Variants in TTC39C observed in about 807,000 individuals in gnomAD.
TTC39C encodes the protein tetratricopeptide repeat domain 39C.
Under a neutral mutation model 76.3 loss-of-function variants are expected in TTC39C, and 33 were observed. The observed-to-expected ratio is 0.43, with a 90% confidence interval of 0.33 to 0.58. TTC39C has a LOEUF of 0.58. Ranked by LOEUF, TTC39C falls within the 20% of genes least tolerant of loss-of-function variation. The probability of loss-of-function intolerance (pLI) is 0.04; values close to 1 mark genes in which losing one functional copy is unlikely to be tolerated. For missense variants in TTC39C, 595 were observed against 701.4 expected, an observed-to-expected ratio of 0.85 and a Z score of 1.71; for synonymous variants, 254 against 260.6, an observed-to-expected ratio of 0.97 and a Z score of 0.24.
At chr18:24,055,555 G>C (rs145554361) in intron 1 of TTC39C, among the ~76,000 whole-genome samples, 1 of 152,126 alleles carries the variant, frequency 6.6e-6, no homozygotes, top group Non-Finnish European at 1.5e-5. Flanking sequence ...GTCTATTCAA[G>C]TTCTTTCCCC....
At chr18:24,023,995 TATATATATATA>T (rs2083561669) in intron 1 of TTC39C, among the ~76,000 whole-genome samples, 3 of 6,484 alleles carry the variant, frequency 4.6e-4, no homozygotes, top group Non-Finnish European at 7.2e-4. Context: ...TATATATATA[TATATATATATA>T]TATATATATA....
At position 24,132,522 on chromosome 18, in the gene TTC39C, A is replaced by G; in HGVS notation, c.1700A>G (p.His567Arg). 6.2e-7 allele frequency: 1 copy of G among 1,614,142 alleles called. No individual in the cohort carries two copies. Among genetic ancestry groups the G allele is most frequent in the Non-Finnish European group, 8.5e-7 (1 of 1,180,010 alleles). Residue 567 changes from histidine to arginine, a missense_variant, in exon 14 of 14, where the codon CAT (histidine) becomes CGT (arginine). Transcript: ENST00000317571. The part of the protein sequence containing the change: ...FSGYDFENRL[H>R]VRIHAALASL... ...GGCTACGACTTTGAAAACAGATTGC[A>G]TGTCCGCATCCATGCTGCTCTGGCC...
intron 3 of TTC39C, among the ~76,000 whole-genome samples, chr18:24,068,697 T>A (rs1169031297): frequency 6.6e-6 from 1 of 152,254 alleles, no homozygotes; most frequent in African/African-American, 2.4e-5. Flanking sequence ...AATCAGTTTC[T>A]GATCCTTACA....
Position 24,123,827 on chromosome 18 carries a change from C to T in TTC39C, c.1187-7C>T, listed in dbSNP as rs1412138443. ...TACTTAAGAAATATAATTATGGTTT[C>T]TTACAGTTTGTCAGGGAGCCACTGG... On this transcript the variant is annotated splice_region_variant and splice_polypyrimidine_tract_variant and intron_variant, in intron 8 of 13. Coordinates refer to ENST00000317571, the MANE Select transcript of TTC39C (RefSeq NM_001135993.2). 5 of 1,596,736 alleles carry T rather than the reference C, an allele frequency of 3.1e-6. No individual in the cohort carries two copies. In the African/African-American group the frequency reaches 6.8e-5, roughly 22 times the overall value.
intron 1 of TTC39C, among the ~76,000 whole-genome samples, chr18:24,047,466 A>G (rs558673864): frequency 6.6e-6 from 1 of 152,214 alleles, no homozygotes; most frequent in Non-Finnish European, 1.5e-5. Flanking sequence ...CAACCCAGTT[A>G]TTCAACTTTA....
intron 1 of TTC39C, among the ~76,000 whole-genome samples, chr18:24,040,251 T>C (rs1475475583): frequency 6.6e-6 from 1 of 152,248 alleles, no homozygotes; most frequent in Non-Finnish European, 1.5e-5. Flanking sequence ...TTTGTGAGTT[T>C]GGTGATGGAT....
intron 1 of TTC39C, among the ~76,000 whole-genome samples, chr18:24,046,671 C>A (rs4239440): frequency 0.71 from 107,331 of 151,660 alleles, 40,506 homozygotes; most frequent in East Asian, 0.82. Flanking sequence ...TACTGCATAT[C>A]ATACTACTAT....
intron 1 of TTC39C, among the ~76,000 whole-genome samples, chr18:24,019,424 G>A (rs1424309806): frequency 6.6e-6 from 1 of 152,212 alleles, no homozygotes; most frequent in Admixed American, 6.5e-5. Context: ...GCTATGAATT[G>A]TGACACTTCC....
intron 1 of TTC39C, chr18:24,001,665 T>C (rs531440495): frequency 2.6e-5 from 4 of 152,368 alleles, no homozygotes; most frequent in Non-Finnish European, 5.9e-5. Context: ...GTGTCCTAAG[T>C]AAACATTTCA....
intron 1 of TTC39C, among the ~76,000 whole-genome samples, chr18:23,997,674 GAAAGAAAGAAAGAAAGAAAGAAA>G (rs2083277194): frequency 1.4e-5 from 2 of 146,090 alleles, no homozygotes; most frequent in African/African-American, 2.5e-5. Context: ...AAGAAAGAAA[GAAAGAAAGAAAGAAAGAAAGAAA>G]GAAAGAAAGA....
upstream of TTC39C, among the ~76,000 whole-genome samples, chr18:24,011,265 CT>C (rs1417442448): frequency 1.3e-5 from 2 of 152,188 alleles, no homozygotes; most frequent in Non-Finnish European, 2.9e-5. Flanking sequence ...TGATCTGCCC[CT>C]CCTACTCACA....
chr18:24,127,770 T>G (rs2085068989), intron 10 of TTC39C, among the ~76,000 whole-genome samples: 1 of 152,190 alleles, frequency 6.6e-6, no homozygotes, highest in Non-Finnish European at 1.5e-5. Context: ...CCCGCTTTGG[T>G]CTTCCAAAGT....
At position 24,062,696 on chromosome 18, in the gene TTC39C, C is replaced by T. The variant is rs1463417141; in HGVS notation, c.168-1444C>T. On this transcript the variant is annotated intron_variant, in intron 1 of 13. Transcript: ENST00000317571. ...ATTAACTGTAGAATTTAGGTAGGTA[C>T]TAAGTAGATGAAAAAGAAAATGGCA... is the stretch of plus-strand genomic sequence containing the variant. 2.0e-5 allele frequency among the ~76,000 whole-genome samples: 3 copies of T among 151,990 alleles called. No homozygotes were observed. The East Asian group carries it at 5.8e-4, about 29-fold the overall frequency.
intron 1 of TTC39C, among the ~76,000 whole-genome samples, chr18:24,035,710 T>C (rs1028447083): frequency 6.6e-6 from 1 of 151,834 alleles, no homozygotes; most frequent in African/African-American, 2.4e-5. Flanking sequence ...TTCAGACATT[T>C]CCCCCCCCAT....
Position 24,021,539 on chromosome 18 carries a change from C to CTTT in TTC39C, c.167+6521_167+6523dup, listed in dbSNP as rs60505555. Among the ~76,000 whole-genome samples the CTTT allele has an allele frequency of 3.7e-3, 434 of 118,750 alleles. 10 individuals carry two copies. The highest frequency in any genetic ancestry group is 0.023 in the South Asian group (85 of 3,756). 77.9% of individuals were successfully genotyped at this position (118,750 alleles called of 152,430 possible). A position where few individuals can be genotyped will look rare whatever the true frequency, so the allele number is the denominator to read the frequency against. On this transcript the variant is annotated intron_variant, in intron 1 of 13. Transcript: ENST00000317571. ...GGGGTTTTGCTTTTTTTCTTTCCTT[C>CTTT]TTTTTTTTTTTTTTTTTTTTTTCCG...
At chr18:24,064,737 G>C (rs1311192541) in intron 2 of TTC39C, among the ~76,000 whole-genome samples, 1 of 152,042 alleles carries the variant, frequency 6.6e-6, no homozygotes, top group Non-Finnish European at 1.5e-5. Context: ...TTTTTTAAAA[G>C]ACTATTAATG....
chr18:23,999,815 G>A (rs146829731), intron 1 of TTC39C, among the ~76,000 whole-genome samples: 1 of 152,222 alleles, frequency 6.6e-6, no homozygotes, highest in African/African-American at 2.4e-5. Context: ...GCAAATGTGG[G>A]GAGGCCCAAA....
At chr18:23,998,113 T>C (rs4800529) in intron 1 of TTC39C, among the ~76,000 whole-genome samples, 141,987 of 152,204 alleles carry the variant, frequency 0.93, 66,893 homozygotes, top group East Asian at 1. Context: ...CACTAGCTCC[T>C]CTTGTTCTTA....
At chr18:24,015,919 G>A (rs1248968898) in intron 1 of TTC39C, among the ~76,000 whole-genome samples, 1 of 152,176 alleles carries the variant, frequency 6.6e-6, no homozygotes. Flanking sequence ...GTGATTTGCC[G>A]TCTGATTGTT....
Sources: allele counts gnomAD v4.1 joint callset (sites outside exome capture counted in the v4.1 genomes callset), GRCh38; gene constraint gnomAD v4.1.1; transcripts MANE v1.5; gene names NCBI Gene and HGNC (gene_info 2026-07-23, HGNC 2026-07-21).